DOCK6: variants seen among roughly 807,000 people sequenced by gnomAD.
DOCK6 encodes the protein dedicator of cytokinesis protein 6.
DOCK6 carries 167 observed loss-of-function variants against 230.3 expected under a neutral mutation model. The observed-to-expected ratio is 0.73, with a 90% CI of 0.64 to 0.82. The LOEUF is 0.82. DOCK6 is among the 40% of genes least tolerant of loss of function. The pLI, the probability that DOCK6 is intolerant of heterozygous loss-of-function variation, is 0.00. For missense variants in DOCK6, 2,598 were observed against 2,825.8 expected (o/e 0.92, Z 1.83); for synonymous variants, 1,148 against 1,185.0 (o/e 0.97, Z 0.64).
intron 2 of DOCK6, 71 bp downstream of exon 2, chr19:11,253,568 T>A: frequency 9.4e-7 from 1 of 1,058,556 alleles, no homozygotes; most frequent in Non-Finnish European, 1.3e-6. Context: ...GGATAGAACC[T>A]AGGCCAAGGA....
Position 11,238,323 on chromosome 19 carries a change from G to A in DOCK6, c.1644-19C>T. 1.9e-6 allele frequency: 3 copies of A among 1,583,476 alleles called. No homozygotes were observed. Among genetic ancestry groups the A allele is most frequent in the South Asian group, 1.1e-5 (1 of 88,898 alleles). On this transcript the variant is annotated intron_variant, in intron 14 of 47. Transcript: ENST00000294618. Reference sequence around the variant, plus strand: ...CAGGTTCCTGTGGGGGGCAGGATGGGGGTGTCAGAGGGACAGGGGCCCTGA... The same window carrying A: ...CAGGTTCCTGTGGGGGGCAGGATGGAGGTGTCAGAGGGACAGGGGCCCTGA...
At chr19:11,217,152 C>T in intron 29 of DOCK6, 56 bp from the exon 30 acceptor site, 3 of 1,596,562 alleles carry the variant, frequency 1.9e-6, no homozygotes, top group African/African-American at 2.7e-5. Flanking sequence ...GAGATGAATC[C>T]TGGCCAATCT....
intron 39 of DOCK6, among the ~76,000 whole-genome samples, chr19:11,206,962 G>C (rs943691236): frequency 5.3e-5 from 8 of 151,964 alleles, no homozygotes; most frequent in Non-Finnish European, 1.0e-4. Context: ...CTCATCCCGA[G>C]TAGCTGGGAT....
At position 11,245,632 on chromosome 19, in the gene DOCK6, G is replaced by A. The variant is rs538159637; in HGVS notation, c.954C>T (p.Ile318=). 1.2e-6 allele frequency: 2 copies of A among 1,603,344 alleles called. No homozygotes were observed. The highest frequency in any genetic ancestry group is 1.7e-6 in the Non-Finnish European group (2 of 1,174,994). ...LLRAHGTHPA[I]STLARSAIFS... Reference sequence around the variant, plus strand: ...AGATGGCAGAGCGGGCCAGGGTGGAGATGGCAGGGTGGGTGCCATGAGCCC... The same window carrying A: ...AGATGGCAGAGCGGGCCAGGGTGGAAATGGCAGGGTGGGTGCCATGAGCCC... Residue 318 remains isoleucine (I), a synonymous_variant, in exon 9 of 48, where the codon ATC becomes ATT. Transcript: ENST00000294618.
At chr19:11,227,506 G>A (rs1355709069) in intron 23 of DOCK6, 29 bp from the exon 24 acceptor site, 7 of 1,530,592 alleles carry the variant, frequency 4.6e-6, no homozygotes, top group Non-Finnish European at 6.1e-6. Flanking sequence ...GGCTGTGGGT[G>A]GGATTTGAAG....
At chr19:11,205,530 A>G (rs1052415507) in intron 39 of DOCK6, among the ~76,000 whole-genome samples, 1 of 152,070 alleles carries the variant, frequency 6.6e-6, no homozygotes, top group Non-Finnish European at 1.5e-5. Flanking sequence ...TTTTTAGTAG[A>G]GACGGGGTTT....
chr19:11,233,387 G>C (rs780826901), intron 21 of DOCK6, 21 bp from the exon 22 acceptor site: 39 of 1,605,698 alleles, frequency 2.4e-5, no homozygotes, highest in Non-Finnish European at 2.9e-5. Flanking sequence ...AGTGAATAGG[G>C]TCAACCACCC....
rs2079596092 is a variant in DOCK6, at chr19:11,222,488, T to C, written c.3241-240A>G. On this transcript the variant is annotated intron_variant, in intron 26 of 47. Coordinates refer to ENST00000294618, the MANE Select transcript of DOCK6 (RefSeq NM_020812.4). This position sits in a 1 kb window ranked among gnomAD's most constrained non-coding sequence, Gnocchi z 4.0. ...AGTCAAAAGTCAGAGGACTGAGAAA[T>C]AGCAGATGGAACACTGGGCTGGGAG... Among the ~76,000 whole-genome samples, 2 of 151,844 alleles carry C rather than the reference T, an allele frequency of 1.3e-5. No individual in the cohort carries two copies. The highest frequency in any genetic ancestry group is 4.8e-5 in the African/African-American group (2 of 41,288).
chr19:11,229,004 A>C lies in DOCK6; in HGVS notation c.2750T>G (p.Val917Gly). 1 of 1,613,420 alleles carries C rather than the reference A, an allele frequency of 6.2e-7. No individual in the cohort carries two copies. The highest frequency in any genetic ancestry group is 8.5e-7 in the Non-Finnish European group (1 of 1,179,774). Residue 917 changes from valine to glycine, a missense_variant, in exon 23 of 48, where the codon GTG becomes GGG. Physicochemically the swap from Val to Gly is moderately radical, Grantham distance 109. Coordinates refer to ENST00000294618, the MANE Select transcript of DOCK6 (RefSeq NM_020812.4). Reference sequence around the variant, plus strand: ...CTCGCGTACGGCACTGCTGCTGACCACCCACTGCAGAGCCAGCTCCTCGTG... The same window carrying C: ...CTCGCGTACGGCACTGCTGCTGACCCCCCACTGCAGAGCCAGCTCCTCGTG... Reference protein sequence around the residue: ...LLHEELALQWVVSSSAVREAI... With the variant: ...LLHEELALQWGVSSSAVREAI...
chr19:11,261,267 T>A (rs763924018), intron 1 of DOCK6, among the ~76,000 whole-genome samples: 80 of 151,914 alleles, frequency 5.3e-4, no homozygotes, highest in Non-Finnish European at 1.0e-3. Context: ...CCCTCTCTCA[T>A]CTCCTTGAGG....
chr19:11,204,481 T>G, intron 39 of DOCK6, 150 bp from the exon 40 acceptor site: 1 of 1,074,688 alleles, frequency 9.3e-7, no homozygotes, highest in Non-Finnish European at 1.3e-6. Flanking sequence ...CTATCCCAGA[T>G]AGGGGTTGAG....
chr19:11,206,988 C>T (rs994115966), intron 39 of DOCK6, among the ~76,000 whole-genome samples: 2 of 152,014 alleles, frequency 1.3e-5, no homozygotes, highest in Non-Finnish European at 2.9e-5. Context: ...ACACCTGCCA[C>T]CATGCCCAGC....
Position 11,229,005 on chromosome 19 carries a change from C to T in DOCK6, c.2749G>A (p.Val917Met), listed in dbSNP as rs771764644. ...LLHEELALQWVVSSSAVREAI... is the reference protein window; with the variant it reads ...LLHEELALQWMVSSSAVREAI... ...TCGCGTACGGCACTGCTGCTGACCA[C>T]CCACTGCAGAGCCAGCTCCTCGTGA... The change falls in exon 23 of 48, where the codon GTG becomes ATG. Residue 917 changes from valine (V) to methionine (M), a missense_variant. Coordinates refer to ENST00000294618, the MANE Select transcript of DOCK6 (RefSeq NM_020812.4). The T allele has an allele frequency of 1.9e-6, 3 of 1,613,516 alleles. No homozygotes were observed. In the African/African-American group the frequency reaches 4.0e-5, roughly 22 times the overall value.
At position 11,213,322 on chromosome 19, in the gene DOCK6, C is replaced by A. The variant is rs773987238; in HGVS notation, c.4345G>T (p.Glu1449Ter). The change falls in exon 35 of 48, where the codon GAG becomes TAG. Residue 1449 changes from glutamate to a stop codon, truncating the protein, a stop_gained. Transcript: ENST00000294618. LOFTEE classifies it high-confidence loss of function. The stretch of plus-strand genomic sequence containing the variant: ...TCCGTGTCCTCCTCGAACAGCAGCT[C>A]CGGGAACTGCCCCCAAGGACCCAGA... Reference protein sequence around the residue: ...TQRALVSKFPELLFEEDTELC... With the variant: ...TQRALVSKFP 6.2e-7 allele frequency: 1 copy of A among 1,610,758 alleles called. No homozygotes were observed. Among genetic ancestry groups the A allele is most frequent in the Admixed American group, 1.7e-5 (1 of 59,828 alleles).
Sources: allele counts gnomAD v4.1 joint callset (sites outside exome capture counted in the v4.1 genomes callset), GRCh38; gene constraint gnomAD v4.1.1; non-coding constraint Gnocchi (gnomAD v3.1); transcripts MANE v1.5; gene names NCBI Gene and HGNC (gene_info 2026-07-23, HGNC 2026-07-21).